Variants in MACROD2 observed in about 807,000 individuals in gnomAD.
The protein encoded by MACROD2 is ADP-ribose glycohydrolase MACROD2.
MACROD2 carries 36 observed loss-of-function variants against 70.4 expected under a neutral mutation model. The ratio of observed to expected loss-of-function variants is 0.51; its 90% CI spans 0.39 to 0.68. The LOEUF is 0.68. Ranked by LOEUF, MACROD2 falls within the 30% of genes least tolerant of loss-of-function variation. The pLI, the probability that MACROD2 is intolerant of heterozygous loss-of-function variation, is 0.00. For missense variants in MACROD2, 496 were observed against 538.4 expected, an observed-to-expected ratio of 0.92 and a Z score of 0.78; for synonymous variants, 172 against 178.8, an observed-to-expected ratio of 0.96 and a Z score of 0.30.
rs985223162 is a variant in MACROD2, at chr20:15,080,858, T to C, written c.419-149082T>C. Among the ~76,000 whole-genome samples the C allele has an allele frequency of 2.0e-5, 3 of 152,296 alleles. No homozygotes were observed. The East Asian group carries it at 5.8e-4, about 29-fold the overall frequency. On this transcript the variant is annotated intron_variant, in intron 5 of 17. Coordinates refer to ENST00000684519, the MANE Select transcript of MACROD2 (RefSeq NM_001351661.2). ...CTAAAACCTTAGCTTTATGCTTTAC[T>C]TTTCTCCCTCTGTCTCTTCCTCTGT...
At chr20:15,145,441 TATTCA>T (rs2076223465) in intron 5 of MACROD2, among the ~76,000 whole-genome samples, 1 of 152,170 alleles carries the variant, frequency 6.6e-6, no homozygotes. Context: ...TTGTATCAGT[TATTCA>T]AGTGACACCC....
intron 5 of MACROD2, among the ~76,000 whole-genome samples, chr20:15,229,073 T>G (rs549640263): frequency 1.3e-5 from 2 of 152,326 alleles, no homozygotes; most frequent in Non-Finnish European, 2.9e-5. Context: ...CAAGGCATTT[T>G]CAAGTAAATT....
intron 4 of MACROD2, among the ~76,000 whole-genome samples, chr20:14,514,908 T>A (rs901396345): frequency 9.2e-5 from 14 of 151,938 alleles, no homozygotes; most frequent in Non-Finnish European, 1.8e-4. Flanking sequence ...TAAAGAAAAA[T>A]CCAGACAAGT....
At chr20:14,593,428 T>G (rs2123383648) in intron 4 of MACROD2, among the ~76,000 whole-genome samples, 1 of 152,266 alleles carries the variant, frequency 6.6e-6, no homozygotes, top group South Asian at 2.1e-4. Flanking sequence ...ATTAGCATAC[T>G]CAGTAGTTTG....
Position 15,116,669 on chromosome 20 carries a change from C to A in MACROD2, c.419-113271C>A, listed in dbSNP as rs115988316. ...CTCAAAAAGGTAGTAAATGTATTTT[C>A]TATTCCTTATGATTTTCTTAATAAC... On this transcript the variant is annotated intron_variant, in intron 5 of 17. Coordinates refer to ENST00000684519, the MANE Select transcript of MACROD2 (RefSeq NM_001351661.2). Among the ~76,000 whole-genome samples the A allele has an allele frequency of 8.8e-3, 1,333 of 152,236 alleles. 21 individuals are homozygous for A. Among genetic ancestry groups the A allele is most frequent in the African/African-American group, 0.03 (1,259 of 41,536 alleles).
chr20:14,630,219 T>C (rs1319694778), intron 4 of MACROD2, among the ~76,000 whole-genome samples: 1 of 152,112 alleles, frequency 6.6e-6, no homozygotes, highest in Non-Finnish European at 1.5e-5. Context: ...GCAATTTTGG[T>C]GTGCTGCGGA....
At chr20:14,392,313 G>A (rs13039862) in intron 3 of MACROD2, among the ~76,000 whole-genome samples, 24,473 of 150,068 alleles carry the variant, frequency 0.16, 2,606 homozygotes, top group Non-Finnish European at 0.23. Flanking sequence ...TCCTTCCTTC[G>A]TTCCTTTTAT....
intron 3 of MACROD2, among the ~76,000 whole-genome samples, chr20:14,272,474 TA>T (rs2082205294): frequency 6.6e-6 from 1 of 151,470 alleles, no homozygotes; most frequent in African/African-American, 2.4e-5. Flanking sequence ...AGGCCTGCCC[TA>T]AAAGAGCTCC....
At chr20:15,677,181 T>A (rs1002500805) in intron 8 of MACROD2, among the ~76,000 whole-genome samples, 28 of 152,192 alleles carry the variant, frequency 1.8e-4, no homozygotes, top group Non-Finnish European at 5.9e-5. Context: ...TTTTGGAGAA[T>A]AAGTTGTCTC....
Position 13,995,936 on chromosome 20 carries a change from C to G in MACROD2, c.46+127C>G. Reference sequence around the variant, plus strand: ...CTCGCGCCCTCCCGGCCGGTGCCGCCTCCCTCCGGTGTCCGTGTGTACACA... The same window carrying G: ...CTCGCGCCCTCCCGGCCGGTGCCGCGTCCCTCCGGTGTCCGTGTGTACACA... On this transcript the variant is annotated intron_variant, in intron 1 of 17. Coordinates refer to ENST00000684519, the MANE Select transcript of MACROD2 (RefSeq NM_001351661.2). The surrounding 1 kb of genome is among the most constrained non-coding windows in gnomAD (Gnocchi z 4.3). 9.0e-7 allele frequency: 1 copy of G among 1,107,044 alleles called. No homozygotes were observed. Among genetic ancestry groups the G allele is most frequent in the Non-Finnish European group, 1.3e-6 (1 of 757,222 alleles). The allele number at this position is 1,107,044 out of a possible 1,614,324, so 68.6% of individuals were successfully genotyped here. A position where few individuals can be genotyped will look rare whatever the true frequency, so the allele number is the denominator to read the frequency against.
intron 3 of MACROD2, among the ~76,000 whole-genome samples, chr20:14,247,193 C>A (rs1447049047): frequency 6.6e-6 from 1 of 152,086 alleles, no homozygotes; most frequent in Admixed American, 6.5e-5. Flanking sequence ...AGCAAATCTA[C>A]AGGATTGAAG....
At chr20:15,286,015 C>T (rs1438872861) in intron 6 of MACROD2, among the ~76,000 whole-genome samples, 1 of 152,072 alleles carries the variant, frequency 6.6e-6, no homozygotes, top group Non-Finnish European at 1.5e-5. Context: ...CCCATCTCCA[C>T]CTCTTTCACC....
At chr20:14,077,871 G>A (rs963527492) in intron 2 of MACROD2, among the ~76,000 whole-genome samples, 1 of 149,426 alleles carries the variant, frequency 6.7e-6, no homozygotes, top group African/African-American at 2.5e-5. Context: ...TCTGTTCTTA[G>A]TAAGAGACTG....
At chr20:15,411,840 T>A (rs573250795) in intron 6 of MACROD2, among the ~76,000 whole-genome samples, 63 of 152,320 alleles carry the variant, frequency 4.1e-4, no homozygotes, top group Non-Finnish European at 8.2e-4. Context: ...CCAGGATTAA[T>A]CCATCGGTGT....
intron 5 of MACROD2, among the ~76,000 whole-genome samples, chr20:14,702,243 T>G (rs1056053809): frequency 6.6e-6 from 1 of 152,046 alleles, no homozygotes; most frequent in Admixed American, 6.6e-5. Context: ...ATTTTAAACA[T>G]ATTAACATTT....
intron 3 of MACROD2, among the ~76,000 whole-genome samples, chr20:14,190,627 T>A (rs1209857813): frequency 6.8e-6 from 1 of 146,346 alleles, no homozygotes; most frequent in African/African-American, 2.5e-5. Flanking sequence ...TGTATAGCTT[T>A]ATTTTACCCA....
At chr20:15,209,733 T>C (rs1283641345) in intron 5 of MACROD2, among the ~76,000 whole-genome samples, 1 of 152,186 alleles carries the variant, frequency 6.6e-6, no homozygotes, top group Non-Finnish European at 1.5e-5. Context: ...TACATGCATA[T>C]GTATAAACAC....
At chr20:14,257,987 T>C (rs2082071557) in intron 3 of MACROD2, among the ~76,000 whole-genome samples, 1 of 152,162 alleles carries the variant, frequency 6.6e-6, no homozygotes, top group African/African-American at 2.4e-5. Flanking sequence ...CATATAAGAT[T>C]TGGTTTTCCA....
intron 8 of MACROD2, among the ~76,000 whole-genome samples, chr20:15,857,225 A>T (rs145197626): frequency 6.0e-4 from 92 of 152,318 alleles, no homozygotes; most frequent in African/African-American, 2.0e-3. Context: ...GCTGGTGAAG[A>T]TGTCTATGGA....
Sources: allele counts gnomAD v4.1 joint callset (sites outside exome capture counted in the v4.1 genomes callset), GRCh38; gene constraint gnomAD v4.1.1; non-coding constraint Gnocchi (gnomAD v3.1); transcripts MANE v1.5; gene names NCBI Gene and HGNC (gene_info 2026-07-23, HGNC 2026-07-21).